Variants in GABRB1 observed in about 807,000 individuals in gnomAD.
The protein encoded by GABRB1 is gamma-aminobutyric acid type A receptor subunit beta1, also known as gamma-aminobutyric acid receptor subunit beta-1.
A neutral mutation model predicts 51.6 loss-of-function variants in GABRB1; 17 were observed. The ratio of observed to expected loss-of-function variants is 0.33; its 90% confidence interval spans 0.23 to 0.49. The LOEUF is 0.49. GABRB1 is among the 20% of genes least tolerant of loss of function. GABRB1 has a pLI of 0.99. For missense variants in GABRB1, 410 were observed against 600.6 expected (o/e 0.68, Z 3.32); for synonymous variants, 247 against 218.9 (o/e 1.13, Z -1.14).
At chr4:47,075,791 G>A (rs2109554602) in intron 3 of GABRB1, among the ~76,000 whole-genome samples, 1 of 152,282 alleles carries the variant, frequency 6.6e-6, no homozygotes, top group South Asian at 2.1e-4. Flanking sequence ...TATGGAGGCT[G>A]GCAGTGGATA....
At chr4:47,424,218 A>G (rs777179169) in intron 8 of GABRB1, among the ~76,000 whole-genome samples, 2 of 152,244 alleles carry the variant, frequency 1.3e-5, no homozygotes, top group African/African-American at 4.8e-5. Context: ...GTGGTCCTCC[A>G]AGTAGAAAGA....
intron 8 of GABRB1, among the ~76,000 whole-genome samples, chr4:47,416,675 C>T (rs1385946366): frequency 2.0e-5 from 3 of 152,108 alleles, no homozygotes; most frequent in African/African-American, 7.2e-5. Context: ...TGGTTTAGAA[C>T]TCCTGACCAC....
At chr4:47,322,520 C>G (rs1182816422) in intron 5 of GABRB1, among the ~76,000 whole-genome samples, 1 of 152,156 alleles carries the variant, frequency 6.6e-6, no homozygotes, top group African/African-American at 2.4e-5. Context: ...TGTAACAACA[C>G]TTGAGAGATG....
intron 3 of GABRB1, among the ~76,000 whole-genome samples, chr4:47,090,881 C>T (rs963837088): frequency 1.3e-5 from 2 of 152,136 alleles, no homozygotes; most frequent in African/African-American, 2.4e-5. Context: ...CATGAGCCAC[C>T]TCAAATATCA....
intron 4 of GABRB1, among the ~76,000 whole-genome samples, chr4:47,288,479 G>A (rs371400331): frequency 1.3e-5 from 2 of 152,002 alleles, no homozygotes; most frequent in South Asian, 4.2e-4. Context: ...AGCCAGGATG[G>A]TCTTGATTTC....
At chr4:47,261,282 G>A (rs1033025210) in intron 4 of GABRB1, among the ~76,000 whole-genome samples, 28 of 152,156 alleles carry the variant, frequency 1.8e-4, no homozygotes, top group African/African-American at 6.3e-4. Context: ...TGACATGATT[G>A]TATATCTAGA....
At chr4:47,257,943 A>G (rs1055370826) in intron 4 of GABRB1, among the ~76,000 whole-genome samples, 2 of 151,942 alleles carry the variant, frequency 1.3e-5, no homozygotes, top group Non-Finnish European at 2.9e-5. Context: ...GAGTATGGGG[A>G]AAAAATGAGA....
At chr4:47,262,119 G>T (rs1348784834) in intron 4 of GABRB1, among the ~76,000 whole-genome samples, 1 of 151,400 alleles carries the variant, frequency 6.6e-6, no homozygotes, top group Non-Finnish European at 1.5e-5. Flanking sequence ...TTACCATTCA[G>T]GACATAGGCA....
At chr4:47,108,590 T>C (rs1478547678) in intron 3 of GABRB1, among the ~76,000 whole-genome samples, 1 of 152,070 alleles carries the variant, frequency 6.6e-6, no homozygotes, top group East Asian at 1.9e-4. Context: ...TAATCAAGTT[T>C]TAACAAATAA....
chr4:47,353,931 TAC>T (rs149879524), intron 5 of GABRB1, among the ~76,000 whole-genome samples: 34 of 151,652 alleles, frequency 2.2e-4, no homozygotes, highest in African/African-American at 8.0e-4. Context: ...CCTGCCAACA[TAC>T]ACACACACAC....
At chr4:47,293,381 C>G (rs552083759) in intron 4 of GABRB1, among the ~76,000 whole-genome samples, 7 of 152,242 alleles carry the variant, frequency 4.6e-5, no homozygotes, top group Middle Eastern at 3.4e-3. Context: ...ACTGGTGATC[C>G]ACCCACCTCG....
intron 5 of GABRB1, among the ~76,000 whole-genome samples, chr4:47,355,594 A>C (rs1726537734): frequency 6.6e-6 from 1 of 152,228 alleles, no homozygotes; most frequent in South Asian, 2.1e-4. Flanking sequence ...TCAACAAGGC[A>C]ATACATTGCT....
chr4:47,130,595 G>A (rs1716371052), intron 3 of GABRB1, among the ~76,000 whole-genome samples: 1 of 151,956 alleles, frequency 6.6e-6, no homozygotes, highest in Admixed American at 6.6e-5. Flanking sequence ...ATGGTCAAAT[G>A]CTCTTCTTAT....
At chr4:47,152,070 A>G (rs545143828) in intron 3 of GABRB1, among the ~76,000 whole-genome samples, 1 of 152,092 alleles carries the variant, frequency 6.6e-6, no homozygotes, top group East Asian at 1.9e-4. Context: ...CATCTCCTGG[A>G]AATCTGTCAA....
At chr4:47,307,237 A>G (rs1215267482) in intron 4 of GABRB1, among the ~76,000 whole-genome samples, 1 of 152,128 alleles carries the variant, frequency 6.6e-6, no homozygotes, top group Non-Finnish European at 1.5e-5. Context: ...TTTTGTTGAT[A>G]TATTGACCCC....
At chr4:47,400,570 CT>C (rs1347079014) in intron 5 of GABRB1, among the ~76,000 whole-genome samples, 2 of 135,800 alleles carry the variant, frequency 1.5e-5, no homozygotes, top group Non-Finnish European at 3.3e-5. Flanking sequence ...CCCAACCTGC[CT>C]TTTCTTCTCT....
chr4:47,195,049 T>C (rs1033069975), intron 4 of GABRB1, among the ~76,000 whole-genome samples: 4 of 152,022 alleles, frequency 2.6e-5, no homozygotes, highest in Middle Eastern at 3.4e-3. Flanking sequence ...TAAGCAGAGG[T>C]GGGTAAGGTG....
chr4:47,411,288 ATACACAC>A (rs1728753002), intron 8 of GABRB1, among the ~76,000 whole-genome samples: 1 of 152,206 alleles, frequency 6.6e-6, no homozygotes, highest in Non-Finnish European at 1.5e-5. Context: ...ACTGTGGTAT[ATACACAC>A]TATGGAGTAC....
chr4:47,239,346 T>G (rs1350357044), intron 4 of GABRB1, among the ~76,000 whole-genome samples: 1 of 152,224 alleles, frequency 6.6e-6, no homozygotes, highest in Non-Finnish European at 1.5e-5. Flanking sequence ...TATATCACAT[T>G]TTAATTATCT....
Sources: gnomAD v4.1 joint callset for allele counts (sites outside exome capture counted in the v4.1 genomes callset) on GRCh38, gnomAD v4.1.1 for gene constraint, MANE v1.5 for transcripts, NCBI Gene and HGNC (gene_info 2026-07-23, HGNC 2026-07-21) for gene names.